ECD: variants seen among roughly 807,000 people sequenced by gnomAD.
ECD encodes ecdysoneless cell cycle regulator.
In ECD, 59 loss-of-function variants were observed where a neutral mutation model predicts 77.2. The observed-to-expected ratio is 0.76, with a 90% confidence interval of 0.62 to 0.95. The LOEUF (loss-of-function observed/expected upper bound fraction) is 0.95. Ranked by LOEUF, ECD falls within the 40% of genes least tolerant of loss-of-function variation. The probability of loss-of-function intolerance (pLI) is 0.00; values close to 1 mark genes in which losing one functional copy is unlikely to be tolerated. For missense variants in ECD, 704 were observed against 763.4 expected, an observed-to-expected ratio of 0.92 and a Z score of 0.92; for synonymous variants, 233 against 267.4, an observed-to-expected ratio of 0.87 and a Z score of 1.26.
chr10:73,164,172 C>A (rs1843419347), intron 1 of ECD, among the ~76,000 whole-genome samples: 1 of 151,648 alleles, frequency 6.6e-6, no homozygotes. Flanking sequence ...CCCGTCTCTA[C>A]TAAAAATACA....
intron 12 of ECD, among the ~76,000 whole-genome samples, chr10:73,137,461 C>G (rs1842989067): frequency 6.6e-6 from 1 of 152,090 alleles, no homozygotes; most frequent in Non-Finnish European, 1.5e-5. Flanking sequence ...TATTTAAACA[C>G]ACAGCATTCA....
intron 3 of ECD, among the ~76,000 whole-genome samples, chr10:73,157,806 T>G (rs1039293677): frequency 5.9e-5 from 9 of 152,082 alleles, no homozygotes; most frequent in Admixed American, 1.3e-4. Context: ...TCACTGCTGT[T>G]TCTTGTATAT....
At chr10:73,143,494 T>G (rs1242494789) in intron 9 of ECD, among the ~76,000 whole-genome samples, 1 of 152,212 alleles carries the variant, frequency 6.6e-6, no homozygotes, top group African/African-American at 2.4e-5. Flanking sequence ...TTTAAAATTT[T>G]TATATGTGTA....
At chr10:73,150,862 A>C (rs1843192419) in intron 7 of ECD, among the ~76,000 whole-genome samples, 1 of 152,234 alleles carries the variant, frequency 6.6e-6, no homozygotes, top group Non-Finnish European at 1.5e-5. Flanking sequence ...CGATCATTAA[A>C]AAGTCAGAGA....
rs993592778 is a variant in ECD at position 73,133,751 on chromosome 10, GAAAT to G, written c.*828_*831del. On this transcript the variant is annotated 3_prime_UTR_variant, in exon 14 of 14. Transcript: ENST00000372979. ...AGGAGGAATATGAGCATCATTTTAA[GAAAT>G]AAACATTTCATCTTAGCAAAAGATA... The G allele has an allele frequency of 6.6e-6, 1 of 151,928 alleles. No homozygotes were observed. The highest frequency in any genetic ancestry group is 2.4e-5 in the African/African-American group (1 of 41,366). 9.4% of individuals were successfully genotyped at this position (151,928 alleles called of 1,614,324 possible). A position where few individuals can be genotyped will look rare whatever the true frequency, so the allele number is the denominator to read the frequency against.
intron 1 of ECD, among the ~76,000 whole-genome samples, chr10:73,164,564 C>T (rs1413742043): frequency 1.3e-5 from 2 of 151,848 alleles, no homozygotes; most frequent in Admixed American, 6.6e-5. Context: ...ACCTCTTGGG[C>T]TCAAGCCATC....
In ECD at chr10:73,138,032, G is replaced by A. The variant is rs777812308; in HGVS notation, c.1460C>T (p.Ser487Phe). The change falls in exon 12 of 14, where the codon TCT becomes TTT. Residue 487 changes from serine (S) to phenylalanine (F), a missense_variant. Physicochemically the swap from Ser to Phe is radical, Grantham distance 155 (BLOSUM62 -2). Around this residue, in one of 3 missense-constraint regions of ECD, gnomAD observed 559 missense variants for 583.7 expected, o/e 0.96. Coordinates refer to ENST00000372979, the MANE Select transcript of ECD (RefSeq NM_007265.3). The part of the protein sequence containing the change: ...SEAPITFDAD[S>F]FLNYFDKILG... ...AATCTTATCAAAATAATTAAGAAAA[G>A]AATCTGCATCAAAAGTGATTGGAGC... is the stretch of plus-strand genomic sequence containing the variant. The A allele has an allele frequency of 1.1e-5, 17 of 1,596,700 alleles. No homozygotes were observed. Among genetic ancestry groups the A allele is most frequent in the Admixed American group, 1.8e-5 (1 of 56,690 alleles).
chr10:73,141,713 G>A (rs1843060856), intron 9 of ECD, among the ~76,000 whole-genome samples: 1 of 152,028 alleles, frequency 6.6e-6, no homozygotes, highest in African/African-American at 2.4e-5. Context: ...CTTTTGTTAT[G>A]ATTATTTGGT....
At chr10:73,150,393 A>T (rs1231818340) in intron 7 of ECD, among the ~76,000 whole-genome samples, 1 of 152,244 alleles carries the variant, frequency 6.6e-6, no homozygotes, top group Admixed American at 6.5e-5. Context: ...TTGAAGACTT[A>T]AATGTTAGAC....
At chr10:73,151,521 CATA>C (rs980896513) in intron 7 of ECD, among the ~76,000 whole-genome samples, 1 of 136,644 alleles carries the variant, frequency 7.3e-6, no homozygotes, top group Non-Finnish European at 1.5e-5. Context: ...AAACTTAAAG[CATA>C]ATAATAAAAA....
chr10:73,148,332 C>T lies in ECD; in HGVS notation c.985G>A (p.Ala329Thr). ...FSDCKKSLVT[A>T]SPLWASFLES... Reference sequence around the variant, plus strand: ...AGGAAACTGGCCCAGAGTGGTGAGGCAGTCACAAGGGATTTCTTGCAGTCA... The same window carrying T: ...AGGAAACTGGCCCAGAGTGGTGAGGTAGTCACAAGGGATTTCTTGCAGTCA... The change falls in exon 8 of 14, where the codon GCC becomes ACC. Residue 329 changes from alanine (A) to threonine (T), a missense_variant. Ala to Thr is a moderately conservative substitution (Grantham distance 58). This residue lies in a region of ECD where 559 missense variants were observed against 583.7 expected (regional missense o/e 0.96). Coordinates refer to ENST00000372979, the MANE Select transcript of ECD (RefSeq NM_007265.3). The T allele has an allele frequency of 1.2e-6, 2 of 1,613,906 alleles. No homozygotes were observed. The highest frequency in any genetic ancestry group is 1.7e-6 in the Non-Finnish European group (2 of 1,179,890).
chr10:73,156,778 A>C (rs1031511030), intron 3 of ECD, 123 bp from the exon 4 acceptor site: 1 of 899,130 alleles, frequency 1.1e-6, no homozygotes, highest in African/African-American at 1.7e-5. Context: ...TACTATGTGC[A>C]GATGGCTATA....
chr10:73,139,468 T>A lies in ECD; in HGVS notation c.1262A>T (p.Asp421Val). ...DDDQWLDLSP[D>V]QLDQLLQEAV... ...TTCCTGCAGCAGCTGGTCCAGCTGA[T>A]CTGGTGAGAGATCTAACCACTGGTC... Residue 421 changes from aspartate to valine, a missense_variant, in exon 11 of 14, where the codon GAT becomes GTT. This residue lies in a region of ECD where 559 missense variants were observed against 583.7 expected (regional missense o/e 0.96). Coordinates refer to ENST00000372979, the MANE Select transcript of ECD (RefSeq NM_007265.3). The A allele has an allele frequency of 6.2e-7, 1 of 1,614,010 alleles. No homozygotes were observed. Among genetic ancestry groups the A allele is most frequent in the Non-Finnish European group, 8.5e-7 (1 of 1,179,992 alleles).
At chr10:73,137,969 T>C in intron 12 of ECD, 34 bp downstream of exon 12, 3 of 1,512,862 alleles carry the variant, frequency 2.0e-6, no homozygotes, top group East Asian at 2.4e-5. Context: ...ACTAACAGTT[T>C]CAAAATGAAA....
intron 9 of ECD, 69 bp from the exon 10 acceptor site, chr10:73,139,806 T>A: frequency 8.9e-7 from 1 of 1,128,302 alleles, no homozygotes; most frequent in Non-Finnish European, 1.3e-6. Flanking sequence ...AAATACATAG[T>A]ATTTTAAGGT....
chr10:73,137,862 T>A (rs1364558853), intron 12 of ECD, 141 bp downstream of exon 12: 8 of 519,330 alleles, frequency 1.5e-5, no homozygotes, highest in Non-Finnish European at 2.6e-5. Flanking sequence ...TCATGGGTAG[T>A]AATTCATGGT....
rs770979972 is a variant in ECD, at chr10:73,163,946, G to C, written c.-9C>G. 8.7e-6 allele frequency: 14 copies of C among 1,612,618 alleles called. No individual in the cohort carries two copies. In the Admixed American group the frequency reaches 1.3e-4, roughly 15 times the overall value. On this transcript the variant is annotated 5_prime_UTR_variant, in exon 2 of 14. Transcript: ENST00000372979. ...TTCATGGTTTCTTCCATTCTTCTTT[G>C]AAAACTATGTTTAAAGTTCCAAAAT...
rs879860653 is a variant in ECD at position 73,147,550 on chromosome 10, C to CA, written c.1041+725dup. Reference sequence around the variant, plus strand: ...AGGCGACAAGAGCAAAACTCCATCTCAAAAAAAAAAAAATACCATATATAT... The same window carrying CA: ...AGGCGACAAGAGCAAAACTCCATCTCAAAAAAAAAAAAAATACCATATATAT... On this transcript the variant is annotated intron_variant, in intron 8 of 13. Coordinates refer to ENST00000372979, the MANE Select transcript of ECD (RefSeq NM_007265.3). Among the ~76,000 whole-genome samples the CA allele has an allele frequency of 5.5e-3, 752 of 136,898 alleles. 9 individuals are homozygous for CA. Among genetic ancestry groups the CA allele is most frequent in the African/African-American group, 0.016 (604 of 37,328 alleles). The allele number at this position is 136,898 out of a possible 152,430, so 89.8% of individuals were successfully genotyped here.
chr10:73,166,089 C>T (rs1000162490), intron 1 of ECD, among the ~76,000 whole-genome samples: 5 of 152,228 alleles, frequency 3.3e-5, no homozygotes, highest in Admixed American at 2.0e-4. Flanking sequence ...TCTGTGCCAT[C>T]CTTATTTCAC....
Sources: gnomAD v4.1 joint callset for allele counts (sites outside exome capture counted in the v4.1 genomes callset) on GRCh38, gnomAD v4.1.1 for gene constraint, gnomAD v4.1.1 regional missense constraint, MANE v1.5 for transcripts, NCBI Gene and HGNC (gene_info 2026-07-23, HGNC 2026-07-21) for gene names.